Variants in SDHC observed in about 807,000 individuals in gnomAD.
The protein encoded by SDHC is succinate dehydrogenase cytochrome b560 subunit, mitochondrial.
Under a neutral mutation model 22.6 loss-of-function variants are expected in SDHC, and 11 were observed. The ratio of observed to expected loss-of-function variants is 0.49; its 90% CI spans 0.31 to 0.81. SDHC has a LOEUF of 0.81. Among genes scored for constraint, SDHC ranks in the 30% least tolerant of loss-of-function variants. SDHC has a pLI of 0.05. For missense variants in SDHC, 160 were observed against 212.0 expected, an observed-to-expected ratio of 0.75 and a Z score of 1.52; for synonymous variants, 80 against 77.8, an observed-to-expected ratio of 1.03 and a Z score of -0.15.
chr1:161,344,250 A>G (rs1346787027), intron 4 of SDHC, among the ~76,000 whole-genome samples: 1 of 152,158 alleles, frequency 6.6e-6, no homozygotes, highest in Non-Finnish European at 1.5e-5. Flanking sequence ...AGATTGCGCC[A>G]CTGCACTCCA....
In SDHC at chr1:161,362,467, A is replaced by G. The variant is rs886045477; in HGVS notation, c.*34A>G. On this transcript the variant is annotated 3_prime_UTR_variant, in exon 6 of 6. Transcript: ENST00000367975. ...GGCTCCCAGCATCATCTTCCTACAC[A>G]TTATTACATTCACCCATCTTTCTGT... is the stretch of plus-strand genomic sequence containing the variant. The G allele has an allele frequency of 4.2e-5, 67 of 1,612,478 alleles. No individual in the cohort carries two copies. Among genetic ancestry groups the G allele is most frequent in the Non-Finnish European group, 5.4e-5 (64 of 1,179,442 alleles).
At chr1:161,320,063 T>C (rs1670786140) in intron 1 of SDHC, among the ~76,000 whole-genome samples, 1 of 152,158 alleles carries the variant, frequency 6.6e-6, no homozygotes, top group Admixed American at 6.6e-5. Context: ...AAATTAGTGT[T>C]GGTGTTATTG....
At chr1:161,315,748 C>T (rs776836940) in intron 1 of SDHC, among the ~76,000 whole-genome samples, 4 of 151,988 alleles carry the variant, frequency 2.6e-5, no homozygotes, top group African/African-American at 7.3e-5. Flanking sequence ...GGGTGTTTCT[C>T]GTTAGGTGGA....
chr1:161,316,345 C>T (rs915723952), intron 1 of SDHC, among the ~76,000 whole-genome samples: 9 of 152,230 alleles, frequency 5.9e-5, no homozygotes, highest in African/African-American at 1.4e-4. Context: ...GAGGTCCTTG[C>T]GGCCTACCGC....
At chr1:161,330,980 G>T (rs959835542) in intron 3 of SDHC, among the ~76,000 whole-genome samples, 4 of 138,582 alleles carry the variant, frequency 2.9e-5, no homozygotes, top group Non-Finnish European at 6.0e-5. Context: ...CTGCACTCCA[G>T]CCTGGGCTCT....
intron 1 of SDHC, chr1:161,314,733 G>A: frequency 2.3e-6 from 1 of 444,206 alleles, no homozygotes; most frequent in Non-Finnish European, 4.1e-6. Context: ...CCAGAGCCGA[G>A]CTCTGAGAAA....
chr1:161,362,283 T>G (rs759025842), intron 5 of SDHC, 46 bp from the exon 6 acceptor site: 18 of 1,588,856 alleles, frequency 1.1e-5, no homozygotes, highest in Non-Finnish European at 1.5e-5. Flanking sequence ...ACTGTTAATG[T>G]CCTATTTACT....
intron 3 of SDHC, among the ~76,000 whole-genome samples, chr1:161,336,842 T>C (rs1386223246): frequency 2.0e-5 from 3 of 151,990 alleles, no homozygotes; most frequent in African/African-American, 7.2e-5. Flanking sequence ...GTTGGAGAAA[T>C]GTTTTTACTT....
At chr1:161,344,567 A>G (rs1242342459) in intron 4 of SDHC, among the ~76,000 whole-genome samples, 1 of 152,086 alleles carries the variant, frequency 6.6e-6, no homozygotes. Context: ...TAGTTCCATG[A>G]TAGAATATAG....
intron 3 of SDHC, among the ~76,000 whole-genome samples, chr1:161,329,652 C>T (rs1050823287): frequency 1.3e-5 from 2 of 152,188 alleles, no homozygotes; most frequent in Non-Finnish European, 2.9e-5. Flanking sequence ...TTTTCTATTG[C>T]TACTATAACA....
intron 5 of SDHC, among the ~76,000 whole-genome samples, chr1:161,360,583 T>C (rs59037769): frequency 0.15 from 16,944 of 113,752 alleles, 1,354 homozygotes; most frequent in African/African-American, 0.27. Context: ...AAAGTGGGGG[T>C]GGGTGGTGGG....
intron 3 of SDHC, among the ~76,000 whole-genome samples, chr1:161,340,294 G>A (rs1444926822): frequency 6.8e-6 from 1 of 146,242 alleles, no homozygotes; most frequent in African/African-American, 2.6e-5. Context: ...GTTCCGGGGG[G>A]GTAAAAAAAA....
chr1:161,355,249 C>T (rs1486920972), intron 4 of SDHC, among the ~76,000 whole-genome samples: 1 of 152,180 alleles, frequency 6.6e-6, no homozygotes, highest in Non-Finnish European at 1.5e-5. Context: ...AGCACCTGTT[C>T]ATGCACTGAT....
chr1:161,320,972 G>A (rs1486206361), intron 1 of SDHC, among the ~76,000 whole-genome samples: 1 of 151,960 alleles, frequency 6.6e-6, no homozygotes, highest in African/African-American at 2.4e-5. Flanking sequence ...GATCACAGGC[G>A]TGCGCCACTA....
intron 1 of SDHC, among the ~76,000 whole-genome samples, chr1:161,315,423 C>G (rs1209728824): frequency 6.6e-6 from 1 of 152,194 alleles, no homozygotes; most frequent in Non-Finnish European, 1.5e-5. Flanking sequence ...TGTTTTTCAT[C>G]TCCATATGTA....
chr1:161,347,878 A>G (rs1383147060), intron 4 of SDHC, among the ~76,000 whole-genome samples: 1 of 151,996 alleles, frequency 6.6e-6, no homozygotes, highest in Admixed American at 6.6e-5. Context: ...AAATAAAAAA[A>G]GAATGATGTT....
intron 4 of SDHC, among the ~76,000 whole-genome samples, chr1:161,355,152 G>T (rs746749734): frequency 1.1e-4 from 17 of 152,096 alleles, no homozygotes; most frequent in Admixed American, 5.2e-4. Flanking sequence ...TTCACATAGG[G>T]AAATAATCTT....
At chr1:161,355,482 T>C (rs1672238457) in intron 4 of SDHC, among the ~76,000 whole-genome samples, 1 of 152,254 alleles carries the variant, frequency 6.6e-6, no homozygotes. Flanking sequence ...GTTTTTTCTT[T>C]TGTCATTTAT....
At chr1:161,359,285 C>G (rs1558184282) in intron 5 of SDHC, among the ~76,000 whole-genome samples, 1 of 152,072 alleles carries the variant, frequency 6.6e-6, no homozygotes, top group Non-Finnish European at 1.5e-5. Context: ...CAAGCACTTT[C>G]TGGATTTCAG....
Sources: allele counts gnomAD v4.1 joint callset (sites outside exome capture counted in the v4.1 genomes callset), GRCh38; gene constraint gnomAD v4.1.1; transcripts MANE v1.5; gene names NCBI Gene and HGNC (gene_info 2026-07-23, HGNC 2026-07-21).